The following MEGF6 variants were observed in gnomAD, a reference collection of about 807,000 sequenced individuals.
The protein encoded by MEGF6 is multiple EGF like domains 6.
In MEGF6, 184 loss-of-function variants were observed where a neutral mutation model predicts 207.1. The ratio of observed to expected loss-of-function variants is 0.89; its 90% CI spans 0.79 to 1.00. MEGF6 has a LOEUF of 1.00. Among genes scored for constraint, MEGF6 ranks in the 50% least tolerant of loss-of-function variants. MEGF6 has a pLI of 0.00. For synonymous variants in MEGF6, 1,038 were observed against 910.0 expected, an observed-to-expected ratio of 1.14 and a Z score of -2.53; for missense variants, 2,282 against 2,202.9, an observed-to-expected ratio of 1.04 and a Z score of -0.72.
At chr1:3,503,153 C>T (rs1209877843) in intron 17 of MEGF6, among the ~76,000 whole-genome samples, 4 of 152,092 alleles carry the variant, frequency 2.6e-5, no homozygotes, top group Non-Finnish European at 5.9e-5. Flanking sequence ...GAGGACACAC[C>T]CTGGTGAACC....
rs7515919 is a variant in MEGF6, at chr1:3,565,607, G to T, written c.481+14218C>A. Among the ~76,000 whole-genome samples the T allele has an allele frequency of 0.012, 1,881 of 152,282 alleles. 37 individuals carry two copies. The highest frequency in any genetic ancestry group is 0.043 in the African/African-American group (1,778 of 41,552). Reference sequence around the variant, plus strand: ...TCCCCATGGTAGGACCTGGGGCACAGCACCAGGGTGCCCGGTGTCCAAGAA... The same window carrying T: ...TCCCCATGGTAGGACCTGGGGCACATCACCAGGGTGCCCGGTGTCCAAGAA... On this transcript the variant is annotated intron_variant, in intron 4 of 36. Coordinates refer to ENST00000356575, the MANE Select transcript of MEGF6 (RefSeq NM_001409.4). This position sits in a 1 kb window ranked among gnomAD's most constrained non-coding sequence, Gnocchi z 4.8.
At chr1:3,500,885 C>T (rs957135624) in intron 20 of MEGF6, 81 bp downstream of exon 20, 37 of 1,601,788 alleles carry the variant, frequency 2.3e-5, no homozygotes, top group Middle Eastern at 2.2e-4. Flanking sequence ...CCCTAGTCCT[C>T]GGGGGCCCTG....
intron 3 of MEGF6, among the ~76,000 whole-genome samples, chr1:3,590,642 G>A (rs1320948072): frequency 2.0e-5 from 3 of 152,178 alleles, no homozygotes; most frequent in African/African-American, 4.8e-5. Context: ...CTCCACGGCC[G>A]GGTGTCCAGG....
chr1:3,566,501 G>A (rs928906731), intron 4 of MEGF6, among the ~76,000 whole-genome samples: 5 of 152,192 alleles, frequency 3.3e-5, no homozygotes, highest in African/African-American at 1.2e-4. Flanking sequence ...TTCACAGGCC[G>A]CTCTGGAAGA....
intron 17 of MEGF6, among the ~76,000 whole-genome samples, chr1:3,502,863 G>A (rs535966279): frequency 3.9e-5 from 6 of 152,286 alleles, no homozygotes; most frequent in Non-Finnish European, 7.4e-5. Context: ...GAGGCTAGCC[G>A]GGAGCTCGGG....
At chr1:3,544,953 C>T (rs1389493649) in intron 4 of MEGF6, among the ~76,000 whole-genome samples, 1 of 152,190 alleles carries the variant, frequency 6.6e-6, no homozygotes, top group East Asian at 1.9e-4. Context: ...GACAGTGACC[C>T]GCCCTTTGCT....
intron 4 of MEGF6, among the ~76,000 whole-genome samples, chr1:3,549,700 G>A (rs1032011945): frequency 2.0e-5 from 3 of 152,198 alleles, no homozygotes; most frequent in East Asian, 1.9e-4. Flanking sequence ...GCTCCAGCTC[G>A]GGCTATGGGC....
Position 3,493,565 on chromosome 1 carries a change from T to C in MEGF6, c.4387+206A>G, listed in dbSNP as rs576902068. 33 of 686,652 alleles carry C rather than the reference T, an allele frequency of 4.8e-5. No homozygotes were observed. In the East Asian group the frequency reaches 8.4e-4, roughly 17 times the overall value. The allele number at this position is 686,652 out of a possible 1,614,324, so 42.5% of individuals were successfully genotyped here. A position where few individuals can be genotyped will look rare whatever the true frequency, so the allele number is the denominator to read the frequency against. On this transcript the variant is annotated intron_variant, in intron 34 of 36. Coordinates refer to ENST00000356575, the MANE Select transcript of MEGF6 (RefSeq NM_001409.4). ...GGGGGCCACACGGCAGGGCCTGGCC[T>C]AAGGCTCCAGCAGGAGGGCCATGCT...
chr1:3,574,584 TG>T (rs1176197855), intron 4 of MEGF6, among the ~76,000 whole-genome samples: 5 of 5,270 alleles, frequency 9.5e-4, no homozygotes, highest in African/African-American at 3.6e-3. Flanking sequence ...GTGCCGGGGG[TG>T]GGGGGGTGGG....
chr1:3,544,564 G>A (rs934007810), intron 4 of MEGF6, among the ~76,000 whole-genome samples: 1 of 152,098 alleles, frequency 6.6e-6, no homozygotes, highest in Non-Finnish European at 1.5e-5. Flanking sequence ...AACAGGCCCC[G>A]ACACCAGCAG....
chr1:3,611,705 T>C (rs1256356252), upstream of MEGF6, among the ~76,000 whole-genome samples: 1 of 122,558 alleles, frequency 8.2e-6, no homozygotes, highest in Non-Finnish European at 1.7e-5. Context: ...CCAGCCCGGC[T>C]CCTGCTTCCA....
At chr1:3,597,985 G>A (rs1459050762) in intron 2 of MEGF6, among the ~76,000 whole-genome samples, 3 of 152,252 alleles carry the variant, frequency 2.0e-5, no homozygotes, top group African/African-American at 7.2e-5. Context: ...GATGGAGACA[G>A]AGGCAGAGAG....
At chr1:3,501,507 C>A (rs1205525034) in intron 18 of MEGF6, among the ~76,000 whole-genome samples, 199 bp from the exon 19 acceptor site, 2 of 152,000 alleles carry the variant, frequency 1.3e-5, no homozygotes, top group Admixed American at 6.5e-5. Flanking sequence ...AGTAGAGGAC[C>A]CCCAGCCCCC....
At chr1:3,558,382 C>A (rs914429477) in intron 4 of MEGF6, among the ~76,000 whole-genome samples, 2 of 152,132 alleles carry the variant, frequency 1.3e-5, no homozygotes, top group Non-Finnish European at 2.9e-5. Flanking sequence ...CACCTGTAAT[C>A]CCATCATTTT....
intron 36 of MEGF6, 125 bp downstream of exon 36, chr1:3,490,787 T>C: frequency 7.5e-7 from 1 of 1,327,284 alleles, no homozygotes; most frequent in Non-Finnish European, 1.1e-6. Context: ...TCCAGATTCC[T>C]GGGGCCCAAG....
At chr1:3,541,439 G>A (rs180745353) in intron 4 of MEGF6, among the ~76,000 whole-genome samples, 1 of 152,358 alleles carries the variant, frequency 6.6e-6, no homozygotes, top group Non-Finnish European at 1.5e-5. Flanking sequence ...GGGACAAAGT[G>A]TTGCTCCCAC....
At chr1:3,490,997 A>C in intron 35 of MEGF6, 38 bp from the exon 36 acceptor site, 1 of 1,545,680 alleles carries the variant, frequency 6.5e-7, no homozygotes, top group Non-Finnish European at 8.7e-7. Context: ...TAGTACCCCC[A>C]GCCTTGAGTG....
chr1:3,577,451 C>G (rs1163388914), intron 4 of MEGF6, among the ~76,000 whole-genome samples: 1 of 152,264 alleles, frequency 6.6e-6, no homozygotes, highest in African/African-American at 2.4e-5. Context: ...AACTAGGCTG[C>G]TTGTGAGCTG....
In MEGF6 at chr1:3,492,416, CT is replaced by C. The variant is rs771237612; in HGVS notation, c.4516+222del. ...TTCCAGCTGGCAGCATGGCCCACCC[CT>C]GTCCCCTGGTTAAGTGACTGTGAAG... On this transcript the variant is annotated intron_variant, in intron 35 of 36. Transcript: ENST00000356575. Among the ~76,000 whole-genome samples the C allele has an allele frequency of 1.4e-3, 183 of 135,174 alleles. 1 individual carries two copies. The highest frequency in any genetic ancestry group is 7.3e-3 in the South Asian group (32 of 4,378). 88.7% of individuals were successfully genotyped at this position (135,174 alleles called of 152,430 possible).
Sources: allele counts gnomAD v4.1 joint callset (sites outside exome capture counted in the v4.1 genomes callset), GRCh38; gene constraint gnomAD v4.1.1; non-coding constraint Gnocchi (gnomAD v3.1); transcripts MANE v1.5; gene names NCBI Gene and HGNC (gene_info 2026-07-23, HGNC 2026-07-21).